Variants in UROD observed in about 807,000 individuals in gnomAD.
UROD encodes uroporphyrinogen decarboxylase.
A neutral mutation model predicts 47.1 loss-of-function variants in UROD; 34 were observed. The observed-to-expected ratio is 0.72, with a 90% confidence interval of 0.55 to 0.96. The LOEUF is 0.96. UROD is among the 40% of genes least tolerant of loss of function. The pLI, the probability that UROD is intolerant of heterozygous loss-of-function variation, is 0.00. For missense variants in UROD, 381 were observed against 471.8 expected, an observed-to-expected ratio of 0.81 and a Z score of 1.78; for synonymous variants, 148 against 175.8, an observed-to-expected ratio of 0.84 and a Z score of 1.25.
chr1:45,015,188 G>T (rs1644840273), intron 9 of UROD, 149 bp from the exon 10 acceptor site: 1 of 1,418,998 alleles, frequency 7.0e-7, no homozygotes, highest in Non-Finnish European at 9.7e-7. Flanking sequence ...CTTCATGCCT[G>T]GGTCCATACT....
chr1:45,013,301 C>T lies in UROD; in HGVS notation c.223C>T (p.Arg75Cys), dbSNP rs1644820501. ...CCELTLQPLR[R>C]FPLDAAIIFS... is the part of the protein sequence containing the mutation. ...CTCCTGTTTCCTACAGCCACTGCGT[C>T]GCTTCCCTCTGGATGCTGCCATCAT... is the stretch of plus-strand genomic sequence containing the variant. The change falls in exon 4 of 10, where the codon CGC becomes TGC. Residue 75 changes from arginine (R) to cysteine (C), a missense_variant. Transcript: ENST00000246337. This position sits in a 1 kb window ranked among gnomAD's most constrained non-coding sequence, Gnocchi z 4.2. The T allele has an allele frequency of 6.2e-7, 1 of 1,614,196 alleles. No individual in the cohort carries two copies. Among genetic ancestry groups the T allele is most frequent in the Non-Finnish European group, 8.5e-7 (1 of 1,180,044 alleles).
intron 6 of UROD, 64 bp downstream of exon 6, chr1:45,014,134 T>C: frequency 1.2e-6 from 2 of 1,611,100 alleles, no homozygotes; most frequent in Non-Finnish European, 1.7e-6. Context: ...AGCAAGAGTG[T>C]CCTAAACCTG....
At position 45,014,996 on chromosome 1, in the gene UROD, A is replaced by G. The variant is rs121918061; in HGVS notation, c.932A>G (p.Tyr311Cys). The G allele has an allele frequency of 2.5e-6, 4 of 1,613,788 alleles. No individual in the cohort carries two copies. Among genetic ancestry groups the G allele is most frequent in the Non-Finnish European group, 3.4e-6 (4 of 1,180,022 alleles). Reference protein sequence around the residue: ...LQGNLDPCALYASEEEIGQLV... With the variant: ...LQGNLDPCALCASEEEIGQLV... The stretch of plus-strand genomic sequence containing the variant: ...GGCAACCTGGACCCCTGTGCCTTGT[A>G]TGCATCTGAGGTAACAGCCAGGGCC... The change falls in exon 9 of 10, where the codon TAT (tyrosine) becomes TGT (cysteine). Residue 311 changes from tyrosine (Y) to cysteine (C), a missense_variant. Transcript: ENST00000246337.
In UROD at chr1:45,013,035, T is replaced by C. The variant is rs1444696029; in HGVS notation, c.133+16T>C. 6.2e-7 allele frequency: 1 copy of C among 1,614,026 alleles called. No homozygotes were observed. The highest frequency in any genetic ancestry group is 1.7e-5 in the Admixed American group (1 of 60,004). On this transcript the variant is annotated intron_variant, in intron 2 of 9. Transcript: ENST00000246337. The surrounding 1 kb of genome is among the most constrained non-coding windows in gnomAD (Gnocchi z 4.2). Reference sequence around the variant, plus strand: ...TACTTACCAGGTAAGAGTCAGGGTCTGGAAATCTAGATAAAACTCCGGAGG... The same window carrying C: ...TACTTACCAGGTAAGAGTCAGGGTCCGGAAATCTAGATAAAACTCCGGAGG...
rs1016565272 is a variant in UROD at position 45,014,499 on chromosome 1, G to T, written c.697G>T (p.Ala233Ser). The change falls in exon 7 of 10, where the codon GCA becomes TCA. Residue 233 changes from alanine (A) to serine (S), a missense_variant. Physicochemically the swap from Ala to Ser is moderately conservative, Grantham distance 99. Coordinates refer to ENST00000246337, the MANE Select transcript of UROD (RefSeq NM_000374.5). The part of the protein sequence containing the change: ...HLGPQLFNKF[A>S]LPYIRDVAKQ... ...TGGCCCACAGCTCTTCAACAAGTTT[G>T]CACTGCCTTACATCCGTGATGTGGC... is the stretch of plus-strand genomic sequence containing the variant. 1 of 1,614,070 alleles carries T rather than the reference G, an allele frequency of 6.2e-7. No individual in the cohort carries two copies. Among genetic ancestry groups the T allele is most frequent in the Non-Finnish European group, 8.5e-7 (1 of 1,180,046 alleles).
chr1:45,013,155 T>A lies in UROD; in HGVS notation c.153T>A (p.Ala51=). 1.2e-6 allele frequency: 2 copies of A among 1,614,200 alleles called. No individual in the cohort carries two copies. The highest frequency in any genetic ancestry group is 1.3e-5 in the African/African-American group (1 of 75,040). The part of the protein sequence containing the change: ...RYLPEFRETR[A]AQDFFSTCRS... Reference sequence around the variant, plus strand: ...ATGCAGAGTTTAGGGAAACCCGGGCTGCCCAGGACTTTTTCAGCACGTGTC... The same window carrying A: ...ATGCAGAGTTTAGGGAAACCCGGGCAGCCCAGGACTTTTTCAGCACGTGTC... The change falls in exon 3 of 10, where the codon GCT becomes GCA. Residue 51 remains alanine (A), a synonymous_variant. Transcript: ENST00000246337. This position sits in a 1 kb window ranked among gnomAD's most constrained non-coding sequence, Gnocchi z 4.2.
Position 45,012,890 on chromosome 1 carries a change from C to T in UROD, c.21-17C>T, listed in dbSNP as rs377193477. 196 of 1,613,514 alleles carry T rather than the reference C, an allele frequency of 1.2e-4. 1 individual carries two copies. In the Middle Eastern group the frequency reaches 5.1e-3, roughly 42 times the overall value. On this transcript the variant is annotated splice_polypyrimidine_tract_variant and intron_variant, in intron 1 of 9. Transcript: ENST00000246337. ...GTAGCATACTGACACCTACCCCCACCCCCACCTGATCGCCAGACCTCAGGG... is the reference window on the plus strand; with the variant it reads ...GTAGCATACTGACACCTACCCCCACTCCCACCTGATCGCCAGACCTCAGGG...
chr1:45,014,603 G>A (rs1178215177), intron 7 of UROD, 27 bp downstream of exon 7: 6 of 1,614,108 alleles, frequency 3.7e-6, no homozygotes, highest in Non-Finnish European at 5.1e-6. Flanking sequence ...GTTGAGTGAA[G>A]GTGGTCCTGT....
In UROD at chr1:45,013,025, A is replaced by G; in HGVS notation, c.133+6A>G. 1.2e-6 allele frequency: 2 copies of G among 1,614,116 alleles called. No individual in the cohort carries two copies. The highest frequency in any genetic ancestry group is 1.7e-6 in the Non-Finnish European group (2 of 1,180,024). ...GGCAGGCCGTTACTTACCAGGTAAG[A>G]GTCAGGGTCTGGAAATCTAGATAAA... On this transcript the variant is annotated splice_donor_region_variant and intron_variant, in intron 2 of 9. Transcript: ENST00000246337. The surrounding 1 kb of genome is among the most constrained non-coding windows in gnomAD (Gnocchi z 4.2).
Position 45,013,221 on chromosome 1 carries a change from G to A in UROD, c.213+6G>A. 1 of 1,614,152 alleles carries A rather than the reference G, an allele frequency of 6.2e-7. No homozygotes were observed. Among genetic ancestry groups the A allele is most frequent in the Non-Finnish European group, 8.5e-7 (1 of 1,180,038 alleles). The stretch of plus-strand genomic sequence containing the variant: ...GCTGTGAACTGACTCTGCAGGTGAG[G>A]GGTCCACAAAAGAGGGAAAGATTTA... On this transcript the variant is annotated splice_donor_region_variant and intron_variant, in intron 3 of 9. Transcript: ENST00000246337. The surrounding 1 kb of genome is among the most constrained non-coding windows in gnomAD (Gnocchi z 4.2).
chr1:45,012,318 C>T (rs1297867657), intron 1 of UROD, 33 bp downstream of exon 1: 1 of 1,613,988 alleles, frequency 6.2e-7, no homozygotes, highest in African/African-American at 1.3e-5. Context: ...TGTGGCTAGC[C>T]GGGCTTCTAA....
chr1:45,012,402 C>T (rs570448559), intron 1 of UROD, 117 bp downstream of exon 1: 233 of 1,413,798 alleles, frequency 1.6e-4, no homozygotes, highest in Middle Eastern at 7.0e-4. Context: ...AACCTGAACT[C>T]CGTTAGCTGG....
chr1:45,013,767 G>A lies in UROD; in HGVS notation c.450G>A (p.Pro150=), dbSNP rs2234479. Residue 150 remains proline, a synonymous_variant, in exon 5 of 10, where the codon CCG becomes CCA. Transcript: ENST00000246337. The surrounding 1 kb of genome is among the most constrained non-coding windows in gnomAD (Gnocchi z 4.2). ...LTRQRLAGRV[P]LIGFAGAPWT... The stretch of plus-strand genomic sequence containing the variant: ...GACAACGACTGGCTGGACGTGTGCC[G>A]CTGATTGGCTTTGCTGGTGCCCCAG... 10,260 of 1,614,164 alleles carry A rather than the reference G, an allele frequency of 6.4e-3. 52 individuals carry two copies. Among genetic ancestry groups the A allele is most frequent in the East Asian group, 0.014 (619 of 44,890 alleles).
In UROD at chr1:45,013,151, G is replaced by C; in HGVS notation, c.149G>C (p.Arg50Pro). ...CTGTATGCAGAGTTTAGGGAAACCC[G>C]GGCTGCCCAGGACTTTTTCAGCACG... is the stretch of plus-strand genomic sequence containing the variant. ...GRYLPEFRET[R>P]AAQDFFSTCR... The change falls in exon 3 of 10, where the codon CGG becomes CCG. Residue 50 changes from arginine (R) to proline (P), a missense_variant. Arg to Pro is a moderately radical substitution (Grantham distance 103). Transcript: ENST00000246337. The surrounding 1 kb of genome is among the most constrained non-coding windows in gnomAD (Gnocchi z 4.2). The C allele has an allele frequency of 6.2e-7, 1 of 1,614,162 alleles. No homozygotes were observed. The highest frequency in any genetic ancestry group is 1.7e-5 in the Admixed American group (1 of 60,010).
chr1:45,014,851 G>A lies in UROD; in HGVS notation c.875+15G>A. ...AAGAAAGCCCGGTAAGCCATGGAAGGGTGAGGCCTTGAGGTTGAGGTGGGG... is the reference window on the plus strand; with the variant it reads ...AAGAAAGCCCGGTAAGCCATGGAAGAGTGAGGCCTTGAGGTTGAGGTGGGG... On this transcript the variant is annotated intron_variant, in intron 8 of 9. Coordinates refer to ENST00000246337, the MANE Select transcript of UROD (RefSeq NM_000374.5). The A allele has an allele frequency of 1.2e-6, 2 of 1,614,232 alleles. No homozygotes were observed. Among genetic ancestry groups the A allele is most frequent in the South Asian group, 2.2e-5 (2 of 91,086 alleles).
rs1557734021 is a variant in UROD, at chr1:45,013,133, CAG to C, written c.134_135del. 6.2e-7 allele frequency: 1 copy of C among 1,614,162 alleles called. No individual in the cohort carries two copies. Among genetic ancestry groups the C allele is most frequent in the South Asian group, 1.1e-5 (1 of 91,086 alleles). ...CTGAGCCCTGTCTTCCCTCTGTATGCAGAGTTTAGGGAAACCCGGGCTGCCCA... is the reference window on the plus strand; with the variant it reads ...CTGAGCCCTGTCTTCCCTCTGTATGCAGTTTAGGGAAACCCGGGCTGCCCA... On this transcript the variant is annotated splice_acceptor_variant, in intron 2 of 9. Coordinates refer to ENST00000246337, the MANE Select transcript of UROD (RefSeq NM_000374.5). LOFTEE classifies it high-confidence loss of function. This position sits in a 1 kb window ranked among gnomAD's most constrained non-coding sequence, Gnocchi z 4.2.
At chr1:45,014,148 G>C (rs1209954902) in intron 6 of UROD, 78 bp downstream of exon 6, 3 of 1,603,840 alleles carry the variant, frequency 1.9e-6, no homozygotes, top group Non-Finnish European at 2.6e-6. Flanking sequence ...AAACCTGAGA[G>C]GGCAGGGGTC....
rs371552479 is a variant in UROD at position 45,014,843 on chromosome 1, C to T, written c.875+7C>T. The stretch of plus-strand genomic sequence containing the variant: ...TGGCCCCAAAGAAAGCCCGGTAAGC[C>T]ATGGAAGGGTGAGGCCTTGAGGTTG... On this transcript the variant is annotated splice_region_variant and intron_variant, in intron 8 of 9. Transcript: ENST00000246337. The T allele has an allele frequency of 3.1e-6, 5 of 1,614,034 alleles. No individual in the cohort carries two copies. In the African/African-American group the frequency reaches 5.3e-5, roughly 17 times the overall value.
In UROD at chr1:45,014,921, G is replaced by A. The variant is rs773465678; in HGVS notation, c.876-19G>A. ...CCATGTATGCAGTTACCAGAACGTG[G>A]CGCTGGCTTTGCTTCCAGGGAGTGT... is the stretch of plus-strand genomic sequence containing the variant. On this transcript the variant is annotated intron_variant, in intron 8 of 9. Transcript: ENST00000246337. The A allele has an allele frequency of 9.3e-6, 15 of 1,614,192 alleles. 1 individual carries two copies. In the Admixed American group the frequency reaches 2.5e-4, roughly 27 times the overall value.
Sources: gnomAD v4.1 joint callset for allele counts on GRCh38, gnomAD v4.1.1 for gene constraint, Gnocchi (gnomAD v3.1) non-coding constraint, MANE v1.5 for transcripts, NCBI Gene and HGNC (gene_info 2026-07-23, HGNC 2026-07-21) for gene names.